The following AAK1 variants were observed in gnomAD, a reference collection of about 807,000 sequenced individuals.
The protein encoded by AAK1 is AP2 associated kinase 1.
Under a neutral mutation model 116.0 loss-of-function variants are expected in AAK1, and 37 were observed. The observed-to-expected ratio is 0.32, with a 90% confidence interval of 0.25 to 0.42. The LOEUF is 0.42. Ranked by LOEUF, AAK1 falls within the 10% of genes least tolerant of loss-of-function variation. AAK1 has a pLI of 1.00. For missense variants in AAK1, 919 were observed against 1,170.6 expected (o/e 0.79, Z 3.14); for synonymous variants, 458 against 439.9 (o/e 1.04, Z -0.51).
At chr2:69,495,589 C>T (rs1675705939) in intron 17 of AAK1, among the ~76,000 whole-genome samples, 1 of 152,144 alleles carries the variant, frequency 6.6e-6, no homozygotes, top group African/African-American at 2.4e-5. Flanking sequence ...CCCACAATCC[C>T]ATGATCACAC....
At chr2:69,643,296 G>A (rs1675832856) in intron 1 of AAK1, 22 bp from the exon 2 acceptor site, 1 of 1,369,802 alleles carries the variant, frequency 7.3e-7, no homozygotes. Flanking sequence ...GAGGAAGAAA[G>A]AGAGGATGAA....
In AAK1 at chr2:69,466,351, T is replaced by C. The variant is rs1325284649; in HGVS notation, c.*9518A>G. 2 of 1,289,814 alleles carry C rather than the reference T, an allele frequency of 1.6e-6. No homozygotes were observed. Among genetic ancestry groups the C allele is most frequent in the Admixed American group, 2.3e-5 (1 of 43,564 alleles). The allele number at this position is 1,289,814 out of a possible 1,614,324, so 79.9% of individuals were successfully genotyped here. Reference sequence around the variant, plus strand: ...TCCAGCATGTCTCCTTCAAGGTCAGTCCCTTCCTCTTCGCTGCTGTGGAAT... The same window carrying C: ...TCCAGCATGTCTCCTTCAAGGTCAGCCCCTTCCTCTTCGCTGCTGTGGAAT... On this transcript the variant is annotated 3_prime_UTR_variant, in exon 22 of 22. Coordinates refer to ENST00000409085, the MANE Select transcript of AAK1 (RefSeq NM_014911.5).
At chr2:69,484,901 T>TAAAAAAAAGGAAGG (rs1435829270) in intron 17 of AAK1, among the ~76,000 whole-genome samples, 1 of 139,904 alleles carries the variant, frequency 7.1e-6, no homozygotes, top group Admixed American at 7.1e-5. Context: ...AATAAAAACA[T>TAAAAAAAAGGAAGG]AAAAAAAAGG....
At chr2:69,591,655 C>T (rs993932902) in intron 2 of AAK1, among the ~76,000 whole-genome samples, 1 of 151,782 alleles carries the variant, frequency 6.6e-6, no homozygotes, top group Non-Finnish European at 1.5e-5. Context: ...ACTACAACCT[C>T]TGCCTCCCAG....
Position 69,590,996 on chromosome 2 carries a change from GT to G in AAK1, c.164-34019del, listed in dbSNP as rs1490278407. Among the ~76,000 whole-genome samples the G allele has an allele frequency of 3.9e-5, 6 of 152,284 alleles. No homozygotes were observed. In the East Asian group the frequency reaches 9.6e-4, roughly 24 times the overall value. On this transcript the variant is annotated intron_variant, in intron 2 of 21. Coordinates refer to ENST00000409085, the MANE Select transcript of AAK1 (RefSeq NM_014911.5). Reference sequence around the variant, plus strand: ...AATGTCAGCTCGATTGCTAGGGAAAGTTTTTTGCGAACAGATTTCAGATGAA... The same window carrying G: ...AATGTCAGCTCGATTGCTAGGGAAAGTTTTTGCGAACAGATTTCAGATGAA...
intron 5 of AAK1, among the ~76,000 whole-genome samples, chr2:69,540,415 C>A (rs1558946277): frequency 6.6e-6 from 1 of 152,174 alleles, no homozygotes; most frequent in African/African-American, 2.4e-5. Flanking sequence ...GCCACCACGC[C>A]CGGCCACATT....
chr2:69,641,394 C>T (rs12477686), intron 2 of AAK1, among the ~76,000 whole-genome samples: 2 of 151,990 alleles, frequency 1.3e-5, no homozygotes, highest in African/African-American at 2.4e-5. Context: ...CTCAAGGGTG[C>T]GGATCTGGCA....
At chr2:69,592,529 T>C (rs574125029) in intron 2 of AAK1, among the ~76,000 whole-genome samples, 3 of 152,348 alleles carry the variant, frequency 2.0e-5, no homozygotes, top group Non-Finnish European at 4.4e-5. Context: ...AACTGTACTA[T>C]AACTTTGGAG....
At chr2:69,623,067 T>C (rs1674731197) in intron 2 of AAK1, among the ~76,000 whole-genome samples, 1 of 152,064 alleles carries the variant, frequency 6.6e-6, no homozygotes, top group South Asian at 2.1e-4. Context: ...CTTTCGCTCT[T>C]TGCAATAAAT....
intron 12 of AAK1, 106 bp from the exon 13 acceptor site, chr2:69,514,855 G>A: frequency 1.5e-6 from 2 of 1,318,114 alleles, no homozygotes; most frequent in Non-Finnish European, 2.0e-6. Context: ...CAAAGGCAAG[G>A]GCAAGTAGAA....
At chr2:69,560,866 C>T (rs1010299234) in intron 2 of AAK1, among the ~76,000 whole-genome samples, 3 of 152,166 alleles carry the variant, frequency 2.0e-5, no homozygotes, top group Non-Finnish European at 4.4e-5. Flanking sequence ...TAACTCTCTA[C>T]TTAAGGTGTC....
chr2:69,620,783 A>G (rs1360106512), intron 2 of AAK1, among the ~76,000 whole-genome samples: 1 of 152,174 alleles, frequency 6.6e-6, no homozygotes, highest in South Asian at 2.1e-4. Context: ...AATGTTGCTA[A>G]GCCTAAATTC....
At chr2:69,539,082 A>G (rs867127162) in intron 5 of AAK1, among the ~76,000 whole-genome samples, 19 of 152,130 alleles carry the variant, frequency 1.2e-4, no homozygotes, top group Middle Eastern at 3.2e-3. Flanking sequence ...ACCCTAACAG[A>G]GCAGGCACTG....
chr2:69,625,766 TAC>T (rs1674868319), intron 2 of AAK1, among the ~76,000 whole-genome samples: 1 of 152,238 alleles, frequency 6.6e-6, no homozygotes, highest in Admixed American at 6.5e-5. Flanking sequence ...TAAAAATTGA[TAC>T]ACTTTCATGG....
chr2:69,494,823 C>T (rs969764035), intron 17 of AAK1, among the ~76,000 whole-genome samples: 6 of 152,128 alleles, frequency 3.9e-5, no homozygotes, highest in African/African-American at 1.4e-4. Flanking sequence ...TAAAGTTATA[C>T]AGTACTACCT....
Position 69,501,948 on chromosome 2 carries a change from G to A in AAK1, c.2269+3621C>T, listed in dbSNP as rs557046191. Among the ~76,000 whole-genome samples the A allele has an allele frequency of 1.1e-4, 16 of 152,158 alleles. No homozygotes were observed. In the South Asian group the frequency reaches 3.3e-3, roughly 32 times the overall value. On this transcript the variant is annotated intron_variant, in intron 16 of 21. Coordinates refer to ENST00000409085, the MANE Select transcript of AAK1 (RefSeq NM_014911.5). ...ATCCCACCACTGCACTCCAGCCTAG[G>A]CAACAGAGCGAGACACCATCTCACA...
rs371037804 is a variant in AAK1, at chr2:69,477,055, G to A, written c.2681-65C>T. The A allele has an allele frequency of 2.3e-5, 25 of 1,073,766 alleles. No individual in the cohort carries two copies. The East Asian group carries it at 2.5e-4, about 11-fold the overall frequency. The allele number at this position is 1,073,766 out of a possible 1,614,324, so 66.5% of individuals were successfully genotyped here. On this transcript the variant is annotated intron_variant, in intron 20 of 21. Transcript: ENST00000409085. Reference sequence around the variant, plus strand: ...GGCAGAGATTAGCAAATGAGAGAATGTGAAAGAGGCACAAAGATCTCAACT... The same window carrying A: ...GGCAGAGATTAGCAAATGAGAGAATATGAAAGAGGCACAAAGATCTCAACT...
intron 6 of AAK1, chr2:69,531,758 T>C: frequency 1.8e-6 from 2 of 1,138,120 alleles, no homozygotes; most frequent in Non-Finnish European, 2.2e-6. Flanking sequence ...CAGCTTTTTA[T>C]AGGCTCTGTG....
At chr2:69,627,794 C>T (rs1249482592) in intron 2 of AAK1, among the ~76,000 whole-genome samples, 1 of 152,250 alleles carries the variant, frequency 6.6e-6, no homozygotes, top group Non-Finnish European at 1.5e-5. Context: ...TCCAACTTTT[C>T]TCTACAATGC....
Sources: allele counts gnomAD v4.1 joint callset (sites outside exome capture counted in the v4.1 genomes callset), GRCh38; gene constraint gnomAD v4.1.1; transcripts MANE v1.5; gene names NCBI Gene and HGNC (gene_info 2026-07-23, HGNC 2026-07-21).